Variants in MTA3 observed in about 807,000 individuals in gnomAD.
The protein encoded by MTA3 is metastasis associated 1 family member 3, also known as metastasis-associated protein MTA3.
A neutral mutation model predicts 83.5 loss-of-function variants in MTA3; 34 were observed. That is an observed-to-expected ratio of 0.41 (90% CI 0.31 to 0.54). The LOEUF (loss-of-function observed/expected upper bound fraction) is 0.54, where lower values mean the gene tolerates loss of function less well. Ranked by LOEUF, MTA3 falls within the 20% of genes least tolerant of loss-of-function variation. The pLI is 0.33. For missense variants in MTA3, 761 were observed against 726.4 expected (o/e 1.05, Z -0.55); for synonymous variants, 303 against 252.7 (o/e 1.20, Z -1.89).
chr2:42,664,481 T>G, intron 8 of MTA3, among the ~76,000 whole-genome samples: 1 of 137,360 alleles, frequency 7.3e-6, no homozygotes, highest in South Asian at 2.5e-4. Flanking sequence ...TTTTTTTTTT[T>G]TTTTTTTTTT....
intron 9 of MTA3, among the ~76,000 whole-genome samples, chr2:42,687,720 C>T (rs1692515604): frequency 1.3e-5 from 2 of 152,144 alleles, no homozygotes; most frequent in African/African-American, 4.8e-5. Context: ...TAGGGTGGGC[C>T]ATGAGAAATT....
intron 6 of MTA3, among the ~76,000 whole-genome samples, chr2:42,645,507 A>T (rs1050341250): frequency 6.7e-6 from 1 of 149,328 alleles, no homozygotes; most frequent in Non-Finnish European, 1.5e-5. Context: ...CTTGGGCAAC[A>T]GAGTGAGACT....
At chr2:42,730,048 T>C (rs940384039) in intron 16 of MTA3, among the ~76,000 whole-genome samples, 1 of 152,222 alleles carries the variant, frequency 6.6e-6, no homozygotes, top group African/African-American at 2.4e-5. Context: ...ATAGAAATAC[T>C]ACTGATTTTT....
intron 14 of MTA3, among the ~76,000 whole-genome samples, chr2:42,718,742 G>A (rs1558616674): frequency 6.6e-6 from 1 of 152,062 alleles, no homozygotes; most frequent in African/African-American, 2.4e-5. Context: ...CAGCCTGGGT[G>A]ACAGAGTGAG....
intron 11 of MTA3, chr2:42,702,475 G>C (rs898560575): frequency 4.6e-5 from 7 of 152,210 alleles, no homozygotes; most frequent in African/African-American, 1.7e-4. Context: ...CAGGTGAATG[G>C]AATTGTGGAA....
intron 8 of MTA3, among the ~76,000 whole-genome samples, chr2:42,664,545 C>G (rs1327051775): frequency 1.1e-4 from 14 of 129,970 alleles, no homozygotes; most frequent in African/African-American, 4.2e-4. Context: ...GTGATCTTGG[C>G]TCACTGCAAC....
chr2:42,584,478 A>C (rs998531303), intron 3 of MTA3, among the ~76,000 whole-genome samples: 1 of 152,148 alleles, frequency 6.6e-6, no homozygotes, highest in East Asian at 1.9e-4. Flanking sequence ...TTATCATTCT[A>C]TATATAATGC....
At chr2:42,708,364 G>C (rs1666289875) in intron 13 of MTA3, among the ~76,000 whole-genome samples, 1 of 152,154 alleles carries the variant, frequency 6.6e-6, no homozygotes, top group African/African-American at 2.4e-5. Flanking sequence ...TTCTGTTGAA[G>C]GCGTGTCTTA....
chr2:42,643,164 A>G (rs930013144), intron 5 of MTA3, among the ~76,000 whole-genome samples: 1 of 149,424 alleles, frequency 6.7e-6, no homozygotes, highest in East Asian at 2.0e-4. Context: ...CTTTCCCCTT[A>G]TCACAGTATG....
intron 4 of MTA3, among the ~76,000 whole-genome samples, chr2:42,627,725 A>ATTTTTTTTTTT (rs869227831): frequency 2.1e-4 from 22 of 103,370 alleles, no homozygotes; most frequent in Admixed American, 4.7e-4. Context: ...GCCTGGCTAA[A>ATTTTTTTTTTT]TTTTTTTTTT....
chr2:42,746,978 A>G (rs1340480186), intron 16 of MTA3, among the ~76,000 whole-genome samples: 1 of 152,004 alleles, frequency 6.6e-6, no homozygotes, highest in East Asian at 1.9e-4. Context: ...GAAACCCAGC[A>G]AGTCTTGTCT....
At chr2:42,594,937 T>C (rs1230985802) in intron 3 of MTA3, among the ~76,000 whole-genome samples, 1 of 146,612 alleles carries the variant, frequency 6.8e-6, no homozygotes, top group African/African-American at 2.5e-5. Context: ...TATTTTTTAG[T>C]AGAGATGGGG....
intron 3 of MTA3, among the ~76,000 whole-genome samples, chr2:42,589,073 A>C (rs1320887566): frequency 6.6e-6 from 1 of 152,122 alleles, no homozygotes; most frequent in Non-Finnish European, 1.5e-5. Flanking sequence ...ATATCTACAA[A>C]ATATTTTCAT....
chr2:42,639,103 C>G (rs898795408), intron 4 of MTA3, among the ~76,000 whole-genome samples: 4 of 150,210 alleles, frequency 2.7e-5, no homozygotes, highest in Admixed American at 6.6e-5. Context: ...CTCTGTCGCC[C>G]GGGCTGGAGT....
chr2:42,539,934 C>T (rs1257499604), intron 2 of MTA3, among the ~76,000 whole-genome samples: 1 of 152,118 alleles, frequency 6.6e-6, no homozygotes, highest in Non-Finnish European at 1.5e-5. Flanking sequence ...CCTGTGGTTT[C>T]CTGAGAACAT....
intron 2 of MTA3, among the ~76,000 whole-genome samples, chr2:42,508,758 T>A (rs914668527): frequency 1.4e-5 from 2 of 146,736 alleles, no homozygotes; most frequent in African/African-American, 5.0e-5. Context: ...TTATATATTA[T>A]ATAGTATTAT....
intron 3 of MTA3, among the ~76,000 whole-genome samples, chr2:42,607,139 C>G (rs991057328): frequency 6.0e-5 from 9 of 149,784 alleles, no homozygotes; most frequent in South Asian, 2.1e-4. Flanking sequence ...GGGTAGAGCT[C>G]TGAATGTTTC....
upstream of MTA3, among the ~76,000 whole-genome samples, chr2:42,563,688 G>A (rs1322579876): frequency 6.6e-6 from 1 of 151,934 alleles, no homozygotes; most frequent in Middle Eastern, 3.4e-3. Flanking sequence ...GGACGGTCTC[G>A]ATCTCCTGAC....
chr2:42,702,490 G>A (rs1182235948), intron 11 of MTA3: 1 of 152,218 alleles, frequency 6.6e-6, no homozygotes, highest in Non-Finnish European at 1.5e-5. Context: ...GTGGAAAGTG[G>A]AAGACCTTGA....
Sources: allele counts gnomAD v4.1 joint callset (sites outside exome capture counted in the v4.1 genomes callset), GRCh38; gene constraint gnomAD v4.1.1; transcripts MANE v1.5; gene names NCBI Gene and HGNC (gene_info 2026-07-23, HGNC 2026-07-21).